NRXN3: variants seen among roughly 807,000 people sequenced by gnomAD.
The protein encoded by NRXN3 is neurexin 3.
NRXN3 carries 32 observed loss-of-function variants against 137.6 expected under a neutral mutation model. That is an observed-to-expected ratio of 0.23 (90% CI 0.18 to 0.31). The LOEUF is 0.31. Among genes scored for constraint, NRXN3 ranks in the 10% least tolerant of loss-of-function variants. NRXN3 has a pLI of 1.00. For missense variants in NRXN3, 1,574 were observed against 2,062.5 expected (o/e 0.76, Z 4.59); for synonymous variants, 798 against 784.5 (o/e 1.02, Z -0.29).
chr14:79,730,000 A>C (rs1459170715), intron 19 of NRXN3, among the ~76,000 whole-genome samples: 2 of 152,118 alleles, frequency 1.3e-5, no homozygotes, highest in African/African-American at 4.8e-5. Context: ...CTTCTGTTGT[A>C]GACAGAAAAA....
chr14:79,431,196 A>C (rs991078094), intron 15 of NRXN3, among the ~76,000 whole-genome samples: 5 of 152,178 alleles, frequency 3.3e-5, no homozygotes, highest in Non-Finnish European at 7.4e-5. Flanking sequence ...CCTATCTAAG[A>C]ATGGCAAGTC....
intron 10 of NRXN3, among the ~76,000 whole-genome samples, chr14:78,863,946 A>G (rs1247663986): frequency 6.6e-6 from 1 of 152,202 alleles, no homozygotes; most frequent in Non-Finnish European, 1.5e-5. Flanking sequence ...ATTTTACAAT[A>G]GTTTAACCTT....
chr14:78,342,208 G>T (rs943507454), intron 4 of NRXN3, among the ~76,000 whole-genome samples: 13 of 152,196 alleles, frequency 8.5e-5, no homozygotes, highest in Admixed American at 7.2e-4. Context: ...TAATGATTTG[G>T]TGACAACACA....
intron 4 of NRXN3, among the ~76,000 whole-genome samples, chr14:78,327,004 T>C (rs764362839): frequency 6.6e-6 from 1 of 152,154 alleles, no homozygotes; most frequent in African/African-American, 2.4e-5. Flanking sequence ...CTGCCTGTTA[T>C]GGTTGTGAGG....
intron 6 of NRXN3, among the ~76,000 whole-genome samples, chr14:78,685,880 C>T (rs1333363867): frequency 6.6e-6 from 1 of 151,322 alleles, no homozygotes; most frequent in Non-Finnish European, 1.5e-5. Context: ...AACTCCTGAC[C>T]TCAGGTGATC....
At chr14:79,105,974 C>T in intron 15 of NRXN3, among the ~76,000 whole-genome samples, 1 of 152,026 alleles carries the variant, frequency 6.6e-6, no homozygotes, top group East Asian at 1.9e-4. Flanking sequence ...GTGTTTAAAC[C>T]TCCCGAAGAC....
chr14:78,456,404 G>A (rs1427238532), intron 4 of NRXN3, among the ~76,000 whole-genome samples: 2 of 152,258 alleles, frequency 1.3e-5, no homozygotes, highest in South Asian at 4.1e-4. Flanking sequence ...AGCTATTAAT[G>A]GAAACACAGG....
chr14:79,183,953 G>A lies in NRXN3; in HGVS notation c.3262+195812G>A, dbSNP rs182419172. 7.8e-3 allele frequency among the ~76,000 whole-genome samples: 1,186 copies of A among 152,254 alleles called. 7 individuals carry two copies. Among genetic ancestry groups the A allele is most frequent in the Middle Eastern group, 0.017 (5 of 292 alleles). On this transcript the variant is annotated intron_variant, in intron 15 of 20. Coordinates refer to ENST00000335750, the MANE Select transcript of NRXN3 (RefSeq NM_001330195.2). ...CATAGGACCCAAGAAGAAAATTGAG[G>A]CTGGGGAACCACAGAGAGTCTTTCC... is the stretch of plus-strand genomic sequence containing the variant.
intron 17 of NRXN3, among the ~76,000 whole-genome samples, chr14:79,689,946 T>G (rs939403083): frequency 2.0e-5 from 3 of 152,198 alleles, no homozygotes; most frequent in African/African-American, 7.2e-5. Flanking sequence ...TAAGAATATT[T>G]AGCTTTATAC....
At chr14:79,317,378 C>G (rs1466842005) in intron 15 of NRXN3, among the ~76,000 whole-genome samples, 1 of 152,164 alleles carries the variant, frequency 6.6e-6, no homozygotes, top group Non-Finnish European at 1.5e-5. Flanking sequence ...TTGATCACGG[C>G]CTTGTTGTCA....
At chr14:78,606,548 G>T (rs1339605392) in intron 4 of NRXN3, among the ~76,000 whole-genome samples, 1 of 152,014 alleles carries the variant, frequency 6.6e-6, no homozygotes, top group Non-Finnish European at 1.5e-5. Flanking sequence ...AAACACTTAC[G>T]GTCTCTCCCG....
At chr14:79,509,864 A>G (rs2096915669) in intron 16 of NRXN3, among the ~76,000 whole-genome samples, 1 of 152,196 alleles carries the variant, frequency 6.6e-6, no homozygotes. Context: ...CTACTCAATG[A>G]ACTGAAGGTT....
intron 15 of NRXN3, among the ~76,000 whole-genome samples, chr14:79,285,734 TC>T (rs1427692696): frequency 6.6e-6 from 1 of 152,108 alleles, no homozygotes. Flanking sequence ...CTTAATCATC[TC>T]TTTAAAGGCC....
intron 15 of NRXN3, among the ~76,000 whole-genome samples, chr14:79,034,117 G>A (rs964734293): frequency 7.9e-5 from 12 of 152,024 alleles, no homozygotes; most frequent in Admixed American, 7.9e-4. Flanking sequence ...GATTCCTGGA[G>A]CCTCAACATG....
At chr14:79,836,332 A>T (rs558470131) in intron 20 of NRXN3, among the ~76,000 whole-genome samples, 1 of 152,174 alleles carries the variant, frequency 6.6e-6, no homozygotes, top group Non-Finnish European at 1.5e-5. Flanking sequence ...CTAGAGGATC[A>T]GTTCTGATGA....
At chr14:79,120,697 T>C (rs1006146297) in intron 15 of NRXN3, among the ~76,000 whole-genome samples, 2 of 152,176 alleles carry the variant, frequency 1.3e-5, no homozygotes, top group African/African-American at 2.4e-5. Context: ...CCTTTTCTTC[T>C]TTGAACATAT....
chr14:79,582,734 T>C (rs1406173307), intron 16 of NRXN3, among the ~76,000 whole-genome samples: 4 of 152,196 alleles, frequency 2.6e-5, no homozygotes, highest in Admixed American at 6.5e-5. Flanking sequence ...TACAAATTAA[T>C]ATTAGCACTT....
At chr14:79,731,282 A>G (rs2098921502) in intron 19 of NRXN3, among the ~76,000 whole-genome samples, 1 of 152,230 alleles carries the variant, frequency 6.6e-6, no homozygotes, top group Non-Finnish European at 1.5e-5. Context: ...ATAAATTGTT[A>G]AACAGGCAGA....
chr14:79,767,837 T>C (rs2099061287), intron 19 of NRXN3, among the ~76,000 whole-genome samples: 1 of 152,162 alleles, frequency 6.6e-6, no homozygotes, highest in African/African-American at 2.4e-5. Flanking sequence ...AGATGGGTGA[T>C]TTCTGCATTT....
Sources: gnomAD v4.1 joint callset for allele counts (sites outside exome capture counted in the v4.1 genomes callset) on GRCh38, gnomAD v4.1.1 for gene constraint, MANE v1.5 for transcripts, NCBI Gene and HGNC (gene_info 2026-07-23, HGNC 2026-07-21) for gene names.